The following IL15 variants were observed in gnomAD, a reference collection of about 807,000 sequenced individuals.
IL15 encodes the protein interleukin-15.
IL15 carries 11 observed loss-of-function variants against 19.6 expected under a neutral mutation model. The ratio of observed to expected loss-of-function variants is 0.56; its 90% CI spans 0.35 to 0.93. The LOEUF is 0.93. Among genes scored for constraint, IL15 ranks in the 40% least tolerant of loss-of-function variants. The pLI, the probability that IL15 is intolerant of heterozygous loss-of-function variation, is 0.01. For missense variants in IL15, 197 were observed against 186.5 expected (o/e 1.06, Z -0.33); for synonymous variants, 58 against 59.6 (o/e 0.97, Z 0.12).
At chr4:141,669,116 T>G (rs1344247371) in intron 2 of IL15, among the ~76,000 whole-genome samples, 1 of 152,194 alleles carries the variant, frequency 6.6e-6, no homozygotes, top group Admixed American at 6.5e-5. Context: ...ATAGTCCCTT[T>G]CTTAAAAAGT....
chr4:141,704,521 C>T, intron 2 of IL15: 1 of 270,020 alleles, frequency 3.7e-6, no homozygotes, highest in Non-Finnish European at 7.5e-6. Flanking sequence ...TTGTTGTATC[C>T]TTGTCTGGTT....
chr4:141,686,113 G>A (rs1289804467), intron 2 of IL15, among the ~76,000 whole-genome samples: 1 of 151,836 alleles, frequency 6.6e-6, no homozygotes, highest in Non-Finnish European at 1.5e-5. Context: ...TGGCCAACAT[G>A]GCGAAACCCC....
At chr4:141,706,673 G>A (rs1729526480) in intron 2 of IL15, among the ~76,000 whole-genome samples, 1 of 151,786 alleles carries the variant, frequency 6.6e-6, no homozygotes, top group African/African-American at 2.4e-5. Flanking sequence ...CATTTTTGAA[G>A]GATAGCTTTG....
intron 2 of IL15, among the ~76,000 whole-genome samples, chr4:141,667,468 G>C (rs1048649310): frequency 6.6e-6 from 1 of 152,126 alleles, no homozygotes; most frequent in African/African-American, 2.4e-5. Context: ...CCACAAACTT[G>C]GTCACAGAAG....
chr4:141,698,634 A>G (rs1729180468), intron 2 of IL15, among the ~76,000 whole-genome samples: 1 of 152,084 alleles, frequency 6.6e-6, no homozygotes, highest in Non-Finnish European at 1.5e-5. Flanking sequence ...AAAGTTGTCC[A>G]TAGTAGCCCT....
At chr4:141,698,097 T>C (rs1346096262) in intron 2 of IL15, among the ~76,000 whole-genome samples, 2 of 152,160 alleles carry the variant, frequency 1.3e-5, no homozygotes. Context: ...GAGATGATCA[T>C]ATGGTTTTTG....
At chr4:141,711,822 G>A (rs1457082259) in intron 2 of IL15, among the ~76,000 whole-genome samples, 1 of 151,986 alleles carries the variant, frequency 6.6e-6, no homozygotes, top group Admixed American at 6.6e-5. Flanking sequence ...ATGAAAGAAT[G>A]TTTTTGCCCT....
chr4:141,647,783 G>A (rs907021322), intron 1 of IL15, among the ~76,000 whole-genome samples: 1 of 151,986 alleles, frequency 6.6e-6, no homozygotes, highest in Non-Finnish European at 1.5e-5. Flanking sequence ...TTTTCCTGGC[G>A]AGACACTATC....
chr4:141,689,633 G>C (rs982191660), intron 2 of IL15, among the ~76,000 whole-genome samples: 1 of 152,104 alleles, frequency 6.6e-6, no homozygotes, highest in Non-Finnish European at 1.5e-5. Context: ...AGATAGTGTC[G>C]ATTGGTGCAT....
chr4:141,722,381 A>G (rs1028612680), intron 5 of IL15, among the ~76,000 whole-genome samples: 1 of 152,078 alleles, frequency 6.6e-6, no homozygotes, highest in Non-Finnish European at 1.5e-5. Context: ...AGGTGGCCTG[A>G]CCTAAGGAAG....
chr4:141,719,729 TG>T (rs1730010852), intron 3 of IL15, among the ~76,000 whole-genome samples: 2 of 152,164 alleles, frequency 1.3e-5, no homozygotes, highest in South Asian at 4.1e-4. Flanking sequence ...GTTCTCTAAA[TG>T]TCTTTGTACT....
chr4:141,720,857 A>AT, intron 4 of IL15: 1 of 533,864 alleles, frequency 1.9e-6, no homozygotes. Context: ...TAGACTACAT[A>AT]TTTTTCATGG....
intron 2 of IL15, among the ~76,000 whole-genome samples, chr4:141,702,008 T>C (rs112431923): frequency 6.6e-6 from 1 of 152,196 alleles, no homozygotes; most frequent in Non-Finnish European, 1.5e-5. Flanking sequence ...GCATATACAC[T>C]GCATTCTTGT....
chr4:141,690,746 T>A (rs1043726258), intron 2 of IL15, among the ~76,000 whole-genome samples: 1 of 152,326 alleles, frequency 6.6e-6, no homozygotes, highest in East Asian at 1.9e-4. Context: ...CAACTTCTCC[T>A]GTCAAGAAAG....
chr4:141,660,450 T>G (rs1291032956), intron 2 of IL15, among the ~76,000 whole-genome samples: 1 of 152,190 alleles, frequency 6.6e-6, no homozygotes, highest in East Asian at 1.9e-4. Flanking sequence ...TCTTATTATC[T>G]CTTTGATTAT....
In IL15 at chr4:141,730,003, G is replaced by A. The variant is rs371906520; in HGVS notation, c.378+19G>A. 5.0e-6 allele frequency: 8 copies of A among 1,595,972 alleles called. No individual in the cohort carries two copies. In the African/African-American group the frequency reaches 6.7e-5, roughly 13 times the overall value. On this transcript the variant is annotated intron_variant, in intron 7 of 7. Transcript: ENST00000320650. ...TAATGGGGTGAGTTTTCCAACAGTTGCTTAGAGTTGCATCTTATGTTTTGG... is the reference window on the plus strand; with the variant it reads ...TAATGGGGTGAGTTTTCCAACAGTTACTTAGAGTTGCATCTTATGTTTTGG...
At chr4:141,695,503 C>T (rs1287619342) in intron 2 of IL15, among the ~76,000 whole-genome samples, 2 of 151,998 alleles carry the variant, frequency 1.3e-5, no homozygotes, top group East Asian at 3.9e-4. Context: ...GTTGTTTCCA[C>T]ATTTTGGGTC....
At chr4:141,645,341 G>A (rs1727191766) in intron 1 of IL15, among the ~76,000 whole-genome samples, 1 of 152,092 alleles carries the variant, frequency 6.6e-6, no homozygotes, top group Admixed American at 6.6e-5. Flanking sequence ...TTAATGAAGG[G>A]CCTCCATGCC....
chr4:141,720,397 G>A lies in IL15; in HGVS notation c.13-72G>A. 5 of 765,538 alleles carry A rather than the reference G, an allele frequency of 6.5e-6. No homozygotes were observed. In the South Asian group the frequency reaches 7.7e-5, roughly 12 times the overall value. The allele number at this position is 765,538 out of a possible 1,614,324, so 47.4% of individuals were successfully genotyped here. Reference sequence around the variant, plus strand: ...CTTACATCTTTAGACCTAAAAATATGTTGACATGTTATTTTAAACCTCACT... The same window carrying A: ...CTTACATCTTTAGACCTAAAAATATATTGACATGTTATTTTAAACCTCACT... On this transcript the variant is annotated intron_variant, in intron 3 of 7. Coordinates refer to ENST00000320650, the MANE Select transcript of IL15 (RefSeq NM_000585.5).
Sources: allele counts gnomAD v4.1 joint callset (sites outside exome capture counted in the v4.1 genomes callset), GRCh38; gene constraint gnomAD v4.1.1; transcripts MANE v1.5; gene names NCBI Gene and HGNC (gene_info 2026-07-23, HGNC 2026-07-21).